The following SLC9A9 variants were observed in gnomAD, a reference collection of about 807,000 sequenced individuals.
SLC9A9 encodes solute carrier family 9 member A9, also known as sodium/hydrogen exchanger 9.
SLC9A9 carries 62 observed loss-of-function variants against 77.8 expected under a neutral mutation model. The observed-to-expected ratio is 0.80, with a 90% CI of 0.65 to 0.98. The LOEUF (loss-of-function observed/expected upper bound fraction) is 0.98, where lower values mean the gene tolerates loss of function less well. Among genes scored for constraint, SLC9A9 ranks in the 50% least tolerant of loss-of-function variants. The probability of loss-of-function intolerance (pLI) is 0.00; values close to 1 mark genes in which losing one functional copy is unlikely to be tolerated. For missense variants in SLC9A9, 775 were observed against 774.9 expected (o/e 1.00, Z 0.00); for synonymous variants, 320 against 283.5 (o/e 1.13, Z -1.29).
intron 2 of SLC9A9, chr3:143,811,725 A>C: frequency 2.2e-6 from 1 of 454,930 alleles, no homozygotes; most frequent in Non-Finnish European, 4.4e-6. Context: ...AGCCACGCAC[A>C]GTGGCACACG....
In SLC9A9 at chr3:143,607,760, T is replaced by G. The variant is rs150246945; in HGVS notation, c.756-29037A>C. On this transcript the variant is annotated intron_variant, in intron 6 of 15. Coordinates refer to ENST00000316549, the MANE Select transcript of SLC9A9 (RefSeq NM_173653.4). ...AAACAAGAACCCTAGAAAAAGCATT[T>G]ACATTGAAAACACAAAATAAGGTAT... is the stretch of plus-strand genomic sequence containing the variant. Among the ~76,000 whole-genome samples, 218 of 151,858 alleles carry G rather than the reference T, an allele frequency of 1.4e-3. 1 individual carries two copies. The highest frequency in any genetic ancestry group is 4.9e-3 in the African/African-American group (204 of 41,502).
In SLC9A9 at chr3:143,792,433, T is replaced by C. The variant is rs549242271; in HGVS notation, c.533+2568A>G. Among the ~76,000 whole-genome samples the C allele has an allele frequency of 3.3e-5, 5 of 152,328 alleles. No individual in the cohort carries two copies. In the South Asian group the frequency reaches 1.0e-3, roughly 32 times the overall value. On this transcript the variant is annotated intron_variant, in intron 4 of 15. Transcript: ENST00000316549. ...CTCCCAAAACAATTGGACTTGCCAA[T>C]ACTCTTCCCTCATTTTTGCCCATAA...
chr3:143,392,963 C>CA (rs2033608579), intron 12 of SLC9A9, among the ~76,000 whole-genome samples: 1 of 152,190 alleles, frequency 6.6e-6, no homozygotes, highest in Non-Finnish European at 1.5e-5. Context: ...TTGAGACCTA[C>CA]AAAGAGACTT....
At chr3:143,291,068 T>TG (rs1477810044) in intron 14 of SLC9A9, among the ~76,000 whole-genome samples, 2 of 152,164 alleles carry the variant, frequency 1.3e-5, no homozygotes, top group African/African-American at 4.8e-5. Context: ...TGGGATTGGG[T>TG]GAAGCCACGC....
chr3:143,763,941 A>G (rs936510163), intron 4 of SLC9A9, among the ~76,000 whole-genome samples: 3 of 152,256 alleles, frequency 2.0e-5, no homozygotes, highest in South Asian at 4.1e-4. Context: ...AGGAGAATCC[A>G]TATTTCCTGG....
chr3:143,467,779 C>T lies in SLC9A9; in HGVS notation c.1316-589G>A, dbSNP rs193028897. Among the ~76,000 whole-genome samples, 3 of 141,356 alleles carry T rather than the reference C, an allele frequency of 2.1e-5. No individual in the cohort carries two copies. In the East Asian group the frequency reaches 5.8e-4, roughly 27 times the overall value. 92.7% of individuals were successfully genotyped at this position (141,356 alleles called of 152,430 possible). On this transcript the variant is annotated intron_variant, in intron 11 of 15. Coordinates refer to ENST00000316549, the MANE Select transcript of SLC9A9 (RefSeq NM_173653.4). ...AGAGACAGAAACATTTCCATCACCA[C>T]AAGGATCCTTCACATTGCCCTTTTA...
intron 4 of SLC9A9, among the ~76,000 whole-genome samples, chr3:143,788,148 A>T (rs564334195): frequency 2.6e-5 from 4 of 151,924 alleles, no homozygotes; most frequent in Non-Finnish European, 5.9e-5. Context: ...AATAAGTGGT[A>T]TTAGTGTAAT....
chr3:143,545,526 T>C (rs2036772899), intron 9 of SLC9A9, among the ~76,000 whole-genome samples: 2 of 152,190 alleles, frequency 1.3e-5, no homozygotes, highest in Non-Finnish European at 1.5e-5. Flanking sequence ...CTACTGTAGT[T>C]CTTAGAACAC....
chr3:143,727,134 C>T (rs751778255), intron 4 of SLC9A9, among the ~76,000 whole-genome samples: 2 of 152,148 alleles, frequency 1.3e-5, no homozygotes, highest in Admixed American at 6.5e-5. Context: ...TTATAATTAA[C>T]ACCATCTGGC....
chr3:143,756,441 T>C (rs994686503), intron 4 of SLC9A9, among the ~76,000 whole-genome samples: 24 of 152,194 alleles, frequency 1.6e-4, no homozygotes, highest in Non-Finnish European at 1.5e-5. Context: ...AAAGCATCTA[T>C]GCCCCAAGCT....
intron 12 of SLC9A9, among the ~76,000 whole-genome samples, chr3:143,433,254 A>G (rs1053370821): frequency 5.9e-5 from 9 of 152,200 alleles, no homozygotes; most frequent in African/African-American, 2.2e-4. Context: ...AAGAAATCCT[A>G]TCGACTTTGA....
chr3:143,365,581 C>T (rs2032877254), intron 13 of SLC9A9, among the ~76,000 whole-genome samples: 1 of 152,156 alleles, frequency 6.6e-6, no homozygotes, highest in Non-Finnish European at 1.5e-5. Flanking sequence ...TTTTCCTGGA[C>T]ATTAGAGTTC....
intron 4 of SLC9A9, among the ~76,000 whole-genome samples, chr3:143,695,809 G>C (rs1294409053): frequency 2.0e-5 from 3 of 152,116 alleles, no homozygotes. Context: ...CAGTGTAAAA[G>C]CAGCTGTTGT....
chr3:143,759,451 T>G (rs1207141118), intron 4 of SLC9A9, among the ~76,000 whole-genome samples: 1 of 152,132 alleles, frequency 6.6e-6, no homozygotes, highest in Non-Finnish European at 1.5e-5. Flanking sequence ...GCAGGCACTA[T>G]GCAATATCTA....
intron 12 of SLC9A9, among the ~76,000 whole-genome samples, chr3:143,443,020 T>A (rs1342254484): frequency 6.6e-6 from 1 of 152,128 alleles, no homozygotes; most frequent in African/African-American, 2.4e-5. Flanking sequence ...TTGAGCTACA[T>A]AAAGTATGAC....
intron 12 of SLC9A9, among the ~76,000 whole-genome samples, chr3:143,463,077 A>T (rs960640507): frequency 6.6e-5 from 10 of 152,210 alleles, no homozygotes; most frequent in Non-Finnish European, 1.5e-4. Context: ...CACTCAATAC[A>T]AGTCAGTTAT....
intron 12 of SLC9A9, among the ~76,000 whole-genome samples, chr3:143,403,951 A>T (rs2033914595): frequency 7.2e-5 from 11 of 151,974 alleles, no homozygotes; most frequent in Admixed American, 7.2e-4. Flanking sequence ...TCCATTACAC[A>T]CATGTTGGTG....
At chr3:143,736,952 A>G (rs1041309409) in intron 4 of SLC9A9, among the ~76,000 whole-genome samples, 8 of 152,254 alleles carry the variant, frequency 5.3e-5, no homozygotes, top group African/African-American at 1.9e-4. Context: ...ACTTTCTCTG[A>G]CAATCATTAC....
intron 14 of SLC9A9, among the ~76,000 whole-genome samples, chr3:143,306,232 T>C (rs1173196876): frequency 6.6e-6 from 1 of 152,154 alleles, no homozygotes; most frequent in Non-Finnish European, 1.5e-5. Flanking sequence ...TGGCAGAAGG[T>C]TGAGGCCTCC....
Sources: allele counts gnomAD v4.1 joint callset (sites outside exome capture counted in the v4.1 genomes callset), GRCh38; gene constraint gnomAD v4.1.1; transcripts MANE v1.5; gene names NCBI Gene and HGNC (gene_info 2026-07-23, HGNC 2026-07-21).